SLC1A2: variants seen among roughly 807,000 people sequenced by gnomAD.
The protein encoded by SLC1A2 is solute carrier family 1 member 2.
A neutral mutation model predicts 48.8 loss-of-function variants in SLC1A2; 15 were observed. That is an observed-to-expected ratio of 0.31 (90% confidence interval 0.21 to 0.47). The LOEUF (loss-of-function observed/expected upper bound fraction) is 0.47. Ranked by LOEUF, SLC1A2 falls within the 20% of genes least tolerant of loss-of-function variation. The probability of loss-of-function intolerance (pLI) is 0.99; values close to 1 mark genes in which losing one functional copy is unlikely to be tolerated. For synonymous variants in SLC1A2, 279 were observed against 272.6 expected, an observed-to-expected ratio of 1.02 and a Z score of -0.23; for missense variants, 502 against 730.5, an observed-to-expected ratio of 0.69 and a Z score of 3.61.
At position 35,263,504 on chromosome 11, in the gene SLC1A2, G is replaced by T. The variant is rs577096280; in HGVS notation, c.1653+2023C>A. Among the ~76,000 whole-genome samples the T allele has an allele frequency of 3.9e-5, 6 of 152,168 alleles. No homozygotes were observed. The South Asian group carries it at 1.0e-3, about 26-fold the overall frequency. On this transcript the variant is annotated intron_variant, in intron 10 of 10. Transcript: ENST00000278379. ...AAAAGAAGCAAATTTATCCTCAGGT[G>T]CTTGATGTCCTTCAAAAACAAATCC...
chr11:35,304,250 G>A (rs535432035), intron 5 of SLC1A2, among the ~76,000 whole-genome samples: 3 of 152,242 alleles, frequency 2.0e-5, no homozygotes, highest in South Asian at 4.2e-4. Context: ...GAAACAACCA[G>A]GAAAGTCTTT....
At chr11:35,279,831 G>C (rs1372284058) in intron 9 of SLC1A2, among the ~76,000 whole-genome samples, 1 of 152,184 alleles carries the variant, frequency 6.6e-6, no homozygotes, top group Non-Finnish European at 1.5e-5. Flanking sequence ...CTAGTAGCTG[G>C]AACCTAGTGA....
intron 1 of SLC1A2, among the ~76,000 whole-genome samples, chr11:35,348,892 CAAAAAAAAAA>C (rs397752034): frequency 1.3e-5 from 1 of 78,470 alleles, no homozygotes; most frequent in African/African-American, 4.8e-5. Flanking sequence ...GACCTGGTCT[CAAAAAAAAAA>C]AAAAAAAAAA....
intron 9 of SLC1A2, among the ~76,000 whole-genome samples, chr11:35,268,672 A>G (rs578236874): frequency 5.3e-5 from 8 of 152,144 alleles, no homozygotes; most frequent in Non-Finnish European, 8.8e-5. Context: ...CAAAAAAAAA[A>G]AAAGAAAGAA....
intron 1 of SLC1A2, among the ~76,000 whole-genome samples, chr11:35,410,672 C>T (rs1243749298): frequency 6.6e-6 from 1 of 152,136 alleles, no homozygotes; most frequent in South Asian, 2.1e-4. Context: ...TGCCCTGTAC[C>T]GAGGGCCATG....
At chr11:35,404,050 C>A (rs867803466) in intron 1 of SLC1A2, among the ~76,000 whole-genome samples, 9 of 152,222 alleles carry the variant, frequency 5.9e-5, no homozygotes, top group Non-Finnish European at 1.2e-4. Flanking sequence ...AACGTTTTCA[C>A]ACCTATTTTA....
At chr11:35,313,202 G>C (rs111871941) in intron 3 of SLC1A2, among the ~76,000 whole-genome samples, 5 of 152,264 alleles carry the variant, frequency 3.3e-5, no homozygotes, top group African/African-American at 1.2e-4. Context: ...TAAAAAGCTA[G>C]TAGTTCTGTG....
intron 1 of SLC1A2, among the ~76,000 whole-genome samples, chr11:35,370,111 T>C (rs929487604): frequency 3.3e-5 from 5 of 152,216 alleles, no homozygotes; most frequent in African/African-American, 1.2e-4. Context: ...TTAATACTTA[T>C]AATGCACTTA....
At chr11:35,408,470 T>G (rs554001038) in intron 1 of SLC1A2, among the ~76,000 whole-genome samples, 1 of 152,188 alleles carries the variant, frequency 6.6e-6, no homozygotes, top group South Asian at 2.1e-4. Context: ...TTATCAGGGG[T>G]TTCCACTTTT....
At position 35,255,591 on chromosome 11, in the gene SLC1A2, T is replaced by C. The variant is rs923647828; in HGVS notation, c.*5303A>G. The C allele has an allele frequency of 3.3e-5, 5 of 152,194 alleles. No homozygotes were observed. The highest frequency in any genetic ancestry group is 9.7e-5 in the African/African-American group (4 of 41,446). 9.4% of individuals were successfully genotyped at this position (152,194 alleles called of 1,614,324 possible). On this transcript the variant is annotated 3_prime_UTR_variant, in exon 11 of 11. Coordinates refer to ENST00000278379, the MANE Select transcript of SLC1A2 (RefSeq NM_004171.4). ...GGTTATTCACCAAAGGCTCTCAAAT[T>C]CCCATACTGGGTGGGCAATTAGAAT...
In SLC1A2 at chr11:35,407,432, A is replaced by G. The variant is rs116035351; in HGVS notation, c.17+11518T>C. Among the ~76,000 whole-genome samples, 1,300 of 152,340 alleles carry G rather than the reference A, an allele frequency of 8.5e-3. 18 individuals are homozygous for G. Among genetic ancestry groups the G allele is most frequent in the African/African-American group, 0.029 (1,218 of 41,576 alleles). On this transcript the variant is annotated intron_variant, in intron 1 of 10. Coordinates refer to ENST00000278379, the MANE Select transcript of SLC1A2 (RefSeq NM_004171.4). Reference sequence around the variant, plus strand: ...TCTTCATTAATCAAGCCCTTCCCTTAGCAGATGAACAGGCTTATAGCACAC... The same window carrying G: ...TCTTCATTAATCAAGCCCTTCCCTTGGCAGATGAACAGGCTTATAGCACAC...
chr11:35,375,499 G>A (rs1482326804), intron 1 of SLC1A2, among the ~76,000 whole-genome samples: 1 of 151,968 alleles, frequency 6.6e-6, no homozygotes, highest in Non-Finnish European at 1.5e-5. Context: ...TGCAGGTGCA[G>A]GTTGCAGGAT....
chr11:35,301,426 C>A, intron 6 of SLC1A2, 93 bp downstream of exon 6: 2 of 1,215,710 alleles, frequency 1.6e-6, no homozygotes, highest in Non-Finnish European at 2.4e-6. Flanking sequence ...TCAGCCCATG[C>A]CAACTTTTTC....
At position 35,265,522 on chromosome 11, in the gene SLC1A2, T is replaced by C. The variant is rs1421744497; in HGVS notation, c.1653+5A>G. 2 of 1,459,442 alleles carry C rather than the reference T, an allele frequency of 1.4e-6. No homozygotes were observed. The highest frequency in any genetic ancestry group is 3.3e-5 in the Admixed American group (2 of 59,734). 90.4% of individuals were successfully genotyped at this position (1,459,442 alleles called of 1,614,324 possible). A position where few individuals can be genotyped will look rare whatever the true frequency, so the allele number is the denominator to read the frequency against. On this transcript the variant is annotated splice_donor_5th_base_variant and intron_variant, in intron 10 of 10. Coordinates refer to ENST00000278379, the MANE Select transcript of SLC1A2 (RefSeq NM_004171.4). ...AGTCTCGATATCCATGAATGGGAAATGTACCTTGCATTCATCTACTATGAC... is the reference window on the plus strand; with the variant it reads ...AGTCTCGATATCCATGAATGGGAAACGTACCTTGCATTCATCTACTATGAC...
At chr11:35,277,442 A>C (rs1048660268) in intron 9 of SLC1A2, among the ~76,000 whole-genome samples, 2 of 152,264 alleles carry the variant, frequency 1.3e-5, no homozygotes, top group East Asian at 3.8e-4. Context: ...ATGGAGACAG[A>C]TGTAAAGACA....
At chr11:35,304,379 C>A (rs1012480111) in intron 5 of SLC1A2, among the ~76,000 whole-genome samples, 1 of 152,012 alleles carries the variant, frequency 6.6e-6, no homozygotes, top group Non-Finnish European at 1.5e-5. Context: ...TTATGACCCA[C>A]CAGAAAAGAC....
At chr11:35,357,820 T>A (rs1295731083) in intron 1 of SLC1A2, among the ~76,000 whole-genome samples, 1 of 152,194 alleles carries the variant, frequency 6.6e-6, no homozygotes, top group Non-Finnish European at 1.5e-5. Context: ...TTTTATAGTA[T>A]ATTAAAATGG....
chr11:35,297,236 A>G (rs182564067), intron 6 of SLC1A2, among the ~76,000 whole-genome samples: 1 of 152,118 alleles, frequency 6.6e-6, no homozygotes. Context: ...CAGGTTCTTC[A>G]TCCTCTCCTG....
At position 35,260,860 on chromosome 11, in the gene SLC1A2, G is replaced by A; in HGVS notation, c.*34C>T. 7.1e-7 allele frequency: 1 copy of A among 1,407,080 alleles called. No individual in the cohort carries two copies. Among genetic ancestry groups the A allele is most frequent in the African/African-American group, 1.4e-5 (1 of 71,034 alleles). The allele number at this position is 1,407,080 out of a possible 1,614,324, so 87.2% of individuals were successfully genotyped here. A position where few individuals can be genotyped will look rare whatever the true frequency, so the allele number is the denominator to read the frequency against. ...ATCAGTTACCATAGGATACGCTGGGGAGTTTATTCAAGAATTTGCTGAGAC... is the reference window on the plus strand; with the variant it reads ...ATCAGTTACCATAGGATACGCTGGGAAGTTTATTCAAGAATTTGCTGAGAC... On this transcript the variant is annotated 3_prime_UTR_variant, in exon 11 of 11. Transcript: ENST00000278379.
Sources: gnomAD v4.1 joint callset for allele counts (sites outside exome capture counted in the v4.1 genomes callset) on GRCh38, gnomAD v4.1.1 for gene constraint, MANE v1.5 for transcripts, NCBI Gene and HGNC (gene_info 2026-07-23, HGNC 2026-07-21) for gene names.